DLGAP1: variants seen among roughly 807,000 people sequenced by gnomAD.
The protein encoded by DLGAP1 is DLG associated protein 1.
A neutral mutation model predicts 90.8 loss-of-function variants in DLGAP1; 11 were observed. The observed-to-expected ratio is 0.12, with a 90% CI of 0.08 to 0.20. The LOEUF is 0.20. Ranked by LOEUF, DLGAP1 falls within the 10% of genes least tolerant of loss-of-function variation. DLGAP1 has a pLI of 1.00. For missense variants in DLGAP1, 1,050 were observed against 1,333.8 expected (o/e 0.79, Z 3.31); for synonymous variants, 558 against 540.7 (o/e 1.03, Z -0.44).
At chr18:4,348,026 A>G (rs1322731395) in intron 1 of DLGAP1, among the ~76,000 whole-genome samples, 2 of 152,164 alleles carry the variant, frequency 1.3e-5, no homozygotes, top group Non-Finnish European at 2.9e-5. Context: ...TGCATTATAA[A>G]TAAATAACCA....
intron 3 of DLGAP1, among the ~76,000 whole-genome samples, chr18:3,980,180 A>C (rs2073694767): frequency 6.6e-6 from 1 of 152,196 alleles, no homozygotes; most frequent in Non-Finnish European, 1.5e-5. Flanking sequence ...AAAGTAAAAA[A>C]CAAAAAAGAT....
At chr18:4,064,433 C>T (rs1362751795) in intron 2 of DLGAP1, among the ~76,000 whole-genome samples, 1 of 100,036 alleles carries the variant, frequency 1.0e-5, no homozygotes, top group African/African-American at 4.9e-5. Context: ...AAAATTAATA[C>T]AATAGACTGC....
At chr18:3,944,719 T>C (rs1350806083) in intron 3 of DLGAP1, among the ~76,000 whole-genome samples, 1 of 152,234 alleles carries the variant, frequency 6.6e-6, no homozygotes, top group East Asian at 1.9e-4. Context: ...TTATTCCTTT[T>C]AGAATGTTGT....
intron 7 of DLGAP1, among the ~76,000 whole-genome samples, chr18:3,719,556 C>CAAAAAAA (rs60129859): frequency 6.8e-5 from 4 of 58,398 alleles, no homozygotes; most frequent in South Asian, 6.8e-4. Flanking sequence ...GACTCTGTCT[C>CAAAAAAA]AAAAAAAAAA....
chr18:3,859,943 C>T (rs2069922910), intron 4 of DLGAP1, among the ~76,000 whole-genome samples: 1 of 151,762 alleles, frequency 6.6e-6, no homozygotes, highest in Non-Finnish European at 1.5e-5. Flanking sequence ...ACTAAAAATG[C>T]AAAAAATTAG....
At chr18:3,675,979 G>A (rs117862913) in intron 7 of DLGAP1, among the ~76,000 whole-genome samples, 1,608 of 152,338 alleles carry the variant, frequency 0.011, 20 homozygotes, top group Non-Finnish European at 0.016. Flanking sequence ...GGGTACGGAA[G>A]TCCTTGGTAA....
At chr18:4,164,682 A>AAAAAC (rs532485957) in intron 1 of DLGAP1, among the ~76,000 whole-genome samples, 208 of 152,290 alleles carry the variant, frequency 1.4e-3, no homozygotes, top group African/African-American at 2.2e-3. Flanking sequence ...TCTGTCTCAA[A>AAAAAC]AAAACAAAAC....
At chr18:3,823,550 T>C (rs1046445932) in intron 4 of DLGAP1, among the ~76,000 whole-genome samples, 2 of 152,216 alleles carry the variant, frequency 1.3e-5, no homozygotes, top group Non-Finnish European at 2.9e-5. Flanking sequence ...TACACTCTTC[T>C]TCACACCAGG....
intron 1 of DLGAP1, among the ~76,000 whole-genome samples, chr18:4,428,133 C>G (rs942642365): frequency 2.0e-5 from 3 of 152,212 alleles, no homozygotes; most frequent in Non-Finnish European, 4.4e-5. Context: ...GTCCCCCCCT[C>G]AAATCTCATG....
intron 7 of DLGAP1, chr18:3,722,659 C>A (rs894614850): frequency 2.6e-5 from 4 of 152,136 alleles, no homozygotes; most frequent in Non-Finnish European, 5.9e-5. Context: ...TTGATTTTAT[C>A]TTGAATAGAA....
chr18:4,069,726 G>A (rs1229875214), intron 2 of DLGAP1, among the ~76,000 whole-genome samples: 4 of 152,148 alleles, frequency 2.6e-5, no homozygotes, highest in East Asian at 1.9e-4. Flanking sequence ...TTTGCAGAAC[G>A]TGAGCCAATT....
Position 3,641,586 on chromosome 18 carries a change from TACAC to T in DLGAP1, c.1592-59342_1592-59339del, listed in dbSNP as rs61136246. ...ATAAGACAATGTACACATATATATA[TACAC>T]ACACACACACACACACACACACAGA... On this transcript the variant is annotated intron_variant, in intron 7 of 12. Coordinates refer to ENST00000315677, the MANE Select transcript of DLGAP1 (RefSeq NM_004746.4). 6.1e-4 allele frequency among the ~76,000 whole-genome samples: 83 copies of T among 135,482 alleles called. No homozygotes were observed. In the Middle Eastern group the frequency reaches 0.015, roughly 24 times the overall value. 88.9% of individuals were successfully genotyped at this position (135,482 alleles called of 152,430 possible).
rs536993470 is a variant in DLGAP1 at position 3,676,775 on chromosome 18, T to C, written c.1591+52360A>G. ...CAATTAATTAGAAAAAGTACTCTTC[T>C]AATTAATTTAAAGCATTTTCATGGT... On this transcript the variant is annotated intron_variant, in intron 7 of 12. Coordinates refer to ENST00000315677, the MANE Select transcript of DLGAP1 (RefSeq NM_004746.4). Among the ~76,000 whole-genome samples the C allele has an allele frequency of 3.3e-5, 5 of 152,250 alleles. No individual in the cohort carries two copies. The East Asian group carries it at 7.7e-4, about 24-fold the overall frequency.
chr18:3,613,467 G>T (rs561659660), intron 7 of DLGAP1, among the ~76,000 whole-genome samples: 5 of 152,014 alleles, frequency 3.3e-5, no homozygotes, highest in Admixed American at 6.5e-5. Context: ...TGAGTATCTG[G>T]GACCATGGGT....
intron 5 of DLGAP1, among the ~76,000 whole-genome samples, chr18:3,766,858 T>C (rs2064268599): frequency 1.3e-5 from 2 of 152,088 alleles, no homozygotes; most frequent in African/African-American, 2.4e-5. Context: ...TAAATGTATA[T>C]GTTAGAAAAG....
chr18:3,617,358 G>C lies in DLGAP1; in HGVS notation c.1592-35110C>G, dbSNP rs137947074. Among the ~76,000 whole-genome samples, 724 of 152,294 alleles carry C rather than the reference G, an allele frequency of 4.8e-3. 10 individuals are homozygous for C. Among genetic ancestry groups the C allele is most frequent in the African/African-American group, 0.017 (689 of 41,552 alleles). ...TTACACCTGTAATCCCGGCACTCTG[G>C]GAGGCCAAGGCAGGTGGATCACCTG... On this transcript the variant is annotated intron_variant, in intron 7 of 12. Coordinates refer to ENST00000315677, the MANE Select transcript of DLGAP1 (RefSeq NM_004746.4).
chr18:3,753,406 A>G (rs983798498), intron 5 of DLGAP1, among the ~76,000 whole-genome samples: 3 of 152,148 alleles, frequency 2.0e-5, no homozygotes, highest in African/African-American at 4.8e-5. Context: ...TCCCCTCGAA[A>G]GCCTGGATCC....
rs1410384061 is a variant in DLGAP1, at chr18:3,879,344, G to A, written c.725C>T (p.Thr242Ile). 6.2e-7 allele frequency: 1 copy of A among 1,611,484 alleles called. No homozygotes were observed. Among genetic ancestry groups the A allele is most frequent in the African/African-American group, 1.3e-5 (1 of 74,874 alleles). ...ASQYFLEAYN[T>I]ISEQAVKASR... ...GGCCTTCACCGCCTGCTCGCTGATG[G>A]TGTTGTAGGCCTCCAGGAAGTACTG... The change falls in exon 4 of 13, where the codon ACC becomes ATC. Residue 242 changes from threonine to isoleucine, a missense_variant. Coordinates refer to ENST00000315677, the MANE Select transcript of DLGAP1 (RefSeq NM_004746.4). This position sits in a 1 kb window ranked among gnomAD's most constrained non-coding sequence, Gnocchi z 6.6.
chr18:4,229,887 A>G (rs973694064), intron 1 of DLGAP1, among the ~76,000 whole-genome samples: 1 of 152,126 alleles, frequency 6.6e-6, no homozygotes, highest in Non-Finnish European at 1.5e-5. Context: ...CAAACTGCCC[A>G]TCTGAGAAGA....
Sources: allele counts gnomAD v4.1 joint callset (sites outside exome capture counted in the v4.1 genomes callset), GRCh38; gene constraint gnomAD v4.1.1; non-coding constraint Gnocchi (gnomAD v3.1); transcripts MANE v1.5; gene names NCBI Gene and HGNC (gene_info 2026-07-23, HGNC 2026-07-21).